CNTN6: variants seen among roughly 807,000 people sequenced by gnomAD.
CNTN6 encodes the protein contactin 6.
Under a neutral mutation model 122.8 loss-of-function variants are expected in CNTN6, and 137 were observed. The observed-to-expected ratio is 1.12, with a 90% CI of 0.97 to 1.29. The LOEUF (loss-of-function observed/expected upper bound fraction) is 1.29, where lower values mean the gene tolerates loss of function less well. Among genes scored for constraint, CNTN6 ranks in the 50% most tolerant of loss-of-function variants. CNTN6 has a pLI of 0.00. For missense variants in CNTN6, 1,634 were observed against 1,223.4 expected (o/e 1.34, Z -5.01); for synonymous variants, 570 against 426.0 (o/e 1.34, Z -4.16).
intron 11 of CNTN6, among the ~76,000 whole-genome samples, chr3:1,339,208 G>A (rs559003800): frequency 1.3e-5 from 2 of 151,754 alleles, no homozygotes; most frequent in African/African-American, 2.4e-5. Flanking sequence ...CTAATGTCCC[G>A]GAGGGAGAAC....
At chr3:1,272,405 A>T (rs1348545190) in intron 4 of CNTN6, among the ~76,000 whole-genome samples, 1 of 152,206 alleles carries the variant, frequency 6.6e-6, no homozygotes, top group Non-Finnish European at 1.5e-5. Flanking sequence ...GGTGGTTCTG[A>T]GGATTCAATG....
chr3:1,262,587 A>G (rs530546228), intron 4 of CNTN6, among the ~76,000 whole-genome samples: 3 of 152,250 alleles, frequency 2.0e-5, no homozygotes, highest in Non-Finnish European at 4.4e-5. Flanking sequence ...TGGCGCAAAC[A>G]ATGAACACAC....
chr3:1,115,847 AC>A (rs1238845242), intron 1 of CNTN6, among the ~76,000 whole-genome samples: 4 of 152,236 alleles, frequency 2.6e-5, no homozygotes, highest in Admixed American at 2.6e-4. Flanking sequence ...CTCACAACAA[AC>A]AAAAAAGGCA....
chr3:1,308,905 T>C (rs958394160), intron 7 of CNTN6, among the ~76,000 whole-genome samples: 1 of 152,196 alleles, frequency 6.6e-6, no homozygotes, highest in Non-Finnish European at 1.5e-5. Context: ...CATCTTTTAA[T>C]GTGATTATTT....
chr3:1,325,925 A>G lies in CNTN6; in HGVS notation c.1057A>G (p.Lys353Glu). The change falls in exon 9 of 23, where the codon AAA (lysine) becomes GAA (glutamate). Residue 353 changes from lysine (K) to glutamate (E), a missense_variant. Coordinates refer to ENST00000446702, the MANE Select transcript of CNTN6 (RefSeq NM_001289080.2). ...GKPNPWYTWL[K>E]NGERLNPEER... ...GCCAAACCCTTGGTATACATGGTTA[A>G]AAAATGGTGAACGACTCAACCCAGA... is the stretch of plus-strand genomic sequence containing the variant. The G allele has an allele frequency of 6.2e-7, 1 of 1,611,464 alleles. No homozygotes were observed. Among genetic ancestry groups the G allele is most frequent in the Non-Finnish European group, 8.5e-7 (1 of 1,178,460 alleles).
In CNTN6 at chr3:1,179,066, C is replaced by A. The variant is rs541600164; in HGVS notation, c.55+31003C>A. ...GTGAGAGTCTCAGGACACTTCCACTCATAGGGGAAGGCAAAATGGGAGCAG... is the reference window on the plus strand; with the variant it reads ...GTGAGAGTCTCAGGACACTTCCACTAATAGGGGAAGGCAAAATGGGAGCAG... On this transcript the variant is annotated intron_variant, in intron 2 of 22. Coordinates refer to ENST00000446702, the MANE Select transcript of CNTN6 (RefSeq NM_001289080.2). 2.6e-5 allele frequency among the ~76,000 whole-genome samples: 4 copies of A among 152,212 alleles called. 1 individual carries two copies. The highest frequency in any genetic ancestry group is 9.6e-5 in the African/African-American group (4 of 41,552).
intron 11 of CNTN6, among the ~76,000 whole-genome samples, chr3:1,346,784 A>T (rs1360021170): frequency 6.6e-6 from 1 of 152,200 alleles, no homozygotes; most frequent in Non-Finnish European, 1.5e-5. Flanking sequence ...AGTTCCTTAA[A>T]GTAACACAAA....
intron 1 of CNTN6, among the ~76,000 whole-genome samples, chr3:1,134,392 CTA>C (rs2092419005): frequency 1.3e-5 from 2 of 152,116 alleles, no homozygotes; most frequent in Non-Finnish European, 2.9e-5. Context: ...AGCTAGTCTC[CTA>C]CAGTGTGCTC....
chr3:1,387,676 A>G (rs906863683), intron 20 of CNTN6, among the ~76,000 whole-genome samples: 1 of 152,186 alleles, frequency 6.6e-6, no homozygotes, highest in Non-Finnish European at 1.5e-5. Context: ...AGGGGGTGCC[A>G]GACAGTGGGC....
chr3:1,199,585 A>C (rs1372930866), intron 2 of CNTN6, among the ~76,000 whole-genome samples: 1 of 152,186 alleles, frequency 6.6e-6, no homozygotes, highest in Admixed American at 6.5e-5. Flanking sequence ...ATGTAAAAAA[A>C]AATGCCATGA....
At position 1,374,009 on chromosome 3, in the gene CNTN6, C is replaced by T. The variant is rs148069303; in HGVS notation, c.2031C>T (p.Ala677=). 144 of 1,612,854 alleles carry T rather than the reference C, an allele frequency of 8.9e-5. No individual in the cohort carries two copies. Among genetic ancestry groups the T allele is most frequent in the Middle Eastern group, 1.7e-4 (1 of 6,056 alleles). Residue 677 remains alanine, a synonymous_variant, in exon 16 of 23, where the codon GCC becomes GCT. Coordinates refer to ENST00000446702, the MANE Select transcript of CNTN6 (RefSeq NM_001289080.2). The part of the protein sequence containing the change: ...PWVEYEFRVV[A]GNSIGIGEPS... ...TGGAATATGAATTTCGTGTTGTTGCCGGCAACAGCATTGGGATTGGAGAAC... is the reference window on the plus strand; with the variant it reads ...TGGAATATGAATTTCGTGTTGTTGCTGGCAACAGCATTGGGATTGGAGAAC...
intron 1 of CNTN6, among the ~76,000 whole-genome samples, chr3:1,134,974 T>A (rs2092435329): frequency 6.6e-6 from 1 of 152,000 alleles, no homozygotes. Flanking sequence ...AAATTGTATC[T>A]CCTTTGGATA....
At position 1,325,784 on chromosome 3, in the gene CNTN6, C is replaced by T. The variant is rs759925919; in HGVS notation, c.947-31C>T. 1.9e-5 allele frequency: 31 copies of T among 1,604,010 alleles called. No homozygotes were observed. In the African/African-American group the frequency reaches 2.8e-4, roughly 15 times the overall value. Reference sequence around the variant, plus strand: ...TAATGTCTTGGATAACTGCCTTTTACCAAACAGTGGCACTTGCCTTTTTGA... The same window carrying T: ...TAATGTCTTGGATAACTGCCTTTTATCAAACAGTGGCACTTGCCTTTTTGA... On this transcript the variant is annotated intron_variant, in intron 8 of 22. Coordinates refer to ENST00000446702, the MANE Select transcript of CNTN6 (RefSeq NM_001289080.2).
At chr3:1,161,799 C>A (rs1268297398) in intron 2 of CNTN6, among the ~76,000 whole-genome samples, 3 of 151,010 alleles carry the variant, frequency 2.0e-5, no homozygotes, top group East Asian at 3.9e-4. Context: ...CACACACACA[C>A]ACAAACATAT....
At chr3:1,335,462 A>G (rs1249288552) in intron 11 of CNTN6, among the ~76,000 whole-genome samples, 1 of 152,120 alleles carries the variant, frequency 6.6e-6, no homozygotes, top group Non-Finnish European at 1.5e-5. Context: ...TTGTGGATCT[A>G]CTTAGCAAGT....
intron 4 of CNTN6, among the ~76,000 whole-genome samples, chr3:1,243,188 C>A (rs1173401929): frequency 6.6e-6 from 1 of 152,064 alleles, no homozygotes; most frequent in Non-Finnish European, 1.5e-5. Context: ...TCAGTGGGTT[C>A]CTGCACAGAT....
chr3:1,138,978 A>T (rs920276186), intron 1 of CNTN6, among the ~76,000 whole-genome samples: 2 of 152,122 alleles, frequency 1.3e-5, no homozygotes, highest in Non-Finnish European at 2.9e-5. Context: ...TCAAATATTC[A>T]GTAGGATTGG....
At chr3:1,200,724 C>T (rs1054365839) in intron 2 of CNTN6, among the ~76,000 whole-genome samples, 27 of 152,118 alleles carry the variant, frequency 1.8e-4, no homozygotes, top group African/African-American at 5.6e-4. Context: ...TCCCAAAGCC[C>T]TCAGGATTAG....
chr3:1,402,667 A>G (rs1695876841), intron 22 of CNTN6, 181 bp downstream of exon 22: 3 of 484,476 alleles, frequency 6.2e-6, no homozygotes, highest in Non-Finnish European at 1.1e-5. Context: ...AACATACACT[A>G]TAAATGGTTT....
Sources: gnomAD v4.1 joint callset for allele counts (sites outside exome capture counted in the v4.1 genomes callset) on GRCh38, gnomAD v4.1.1 for gene constraint, MANE v1.5 for transcripts, NCBI Gene and HGNC (gene_info 2026-07-23, HGNC 2026-07-21) for gene names.